The following APOL5 variants were observed in gnomAD, a reference collection of about 807,000 sequenced individuals.
The protein encoded by APOL5 is apolipoprotein L, 5.
Under a neutral mutation model 35.5 loss-of-function variants are expected in APOL5, and 29 were observed. The observed-to-expected ratio is 0.82, with a 90% CI of 0.61 to 1.11. The LOEUF (loss-of-function observed/expected upper bound fraction) is 1.11, where lower values mean the gene tolerates loss of function less well. Among genes scored for constraint, APOL5 ranks in the 50% most tolerant of loss-of-function variants. APOL5 has a pLI of 0.00. For synonymous variants in APOL5, 188 were observed against 200.2 expected, an observed-to-expected ratio of 0.94 and a Z score of 0.51; for missense variants, 514 against 530.4, an observed-to-expected ratio of 0.97 and a Z score of 0.30.
At chr22:35,711,751 C>A in the APOL5 span, among the ~76,000 whole-genome samples, 1 of 151,546 alleles carries the variant, frequency 6.6e-6, no homozygotes, top group Non-Finnish European at 1.5e-5. Context: ...TCTCAGCTCA[C>A]TGCAACCTTT....
upstream of APOL5, among the ~76,000 whole-genome samples, chr22:35,716,894 T>C (rs937831992): frequency 1.1e-5 from 1 of 91,186 alleles, no homozygotes; most frequent in African/African-American, 5.4e-5. Context: ...TTTGTATTGC[T>C]CTATTTTCAT....
Position 35,728,757 on chromosome 22 carries a change from G to T in APOL5, c.1161G>T (p.Glu387Asp). 6.2e-7 allele frequency: 1 copy of T among 1,613,476 alleles called. No homozygotes were observed. The highest frequency in any genetic ancestry group is 1.1e-5 in the South Asian group (1 of 90,836). The change falls in exon 4 of 5, where the codon GAG becomes GAT. Residue 387 changes from glutamate to aspartate, a missense_variant. This residue lies in a region of APOL5 where 238 missense variants were observed against 229.1 expected (regional missense o/e 1.04). Transcript: ENST00000249044. The part of the protein sequence containing the change: ...SRSPLPWPVV[E>D]HQPRLGPGVA... Reference sequence around the variant, plus strand: ...CACCTCTCCCCTGGCCTGTTGTGGAGCACCAGCCTAGGCTGGGCCCTGGCG... The same window carrying T: ...CACCTCTCCCCTGGCCTGTTGTGGATCACCAGCCTAGGCTGGGCCCTGGCG...
At chr22:35,716,527 G>T (rs559073785), upstream of APOL5, among the ~76,000 whole-genome samples, 245 of 152,316 alleles carry the variant, frequency 1.6e-3, 1 homozygote, top group African/African-American at 5.7e-3. Context: ...TTCCCAAAGT[G>T]CTGGGATTAC....
chr22:35,710,934 A>G, the APOL5 span, among the ~76,000 whole-genome samples: 43 of 152,362 alleles, frequency 2.8e-4, 1 homozygote, highest in African/African-American at 9.9e-4. Flanking sequence ...TGGGAGGCCA[A>G]CGTGGATGGA....
intron 3 of APOL5, 26 bp downstream of exon 3, chr22:35,727,220 C>A (rs376879820): frequency 6.3e-7 from 1 of 1,576,250 alleles, no homozygotes; most frequent in South Asian, 1.1e-5. Flanking sequence ...ATAACACGGA[C>A]GTGGTCTTGC....
At chr22:35,708,997 C>T in the APOL5 span, among the ~76,000 whole-genome samples, 3 of 152,288 alleles carry the variant, frequency 2.0e-5, no homozygotes, top group Non-Finnish European at 4.4e-5. Context: ...CACAAATGCG[C>T]TTCCCTTACA....
chr22:35,714,832 C>T (rs1926695134), upstream of APOL5, among the ~76,000 whole-genome samples: 1 of 152,214 alleles, frequency 6.6e-6, no homozygotes, highest in Non-Finnish European at 1.5e-5. Context: ...AGCACAGTGG[C>T]CACAGCCTCC....
At chr22:35,716,037 A>G (rs1401311156), upstream of APOL5, among the ~76,000 whole-genome samples, 5 of 152,224 alleles carry the variant, frequency 3.3e-5, no homozygotes. Context: ...TCTACATCCA[A>G]GAGATAACCT....
At chr22:35,711,639 C>CTTCCTTCCTTCCTTCA in the APOL5 span, among the ~76,000 whole-genome samples, 1 of 149,282 alleles carries the variant, frequency 6.7e-6, no homozygotes, top group South Asian at 2.2e-4. Flanking sequence ...TCCTTCCTTC[C>CTTCCTTCCTTCCTTCA]TTCCTTCCCT....
intron 2 of APOL5, among the ~76,000 whole-genome samples, chr22:35,724,833 C>G (rs1927094478): frequency 6.6e-6 from 1 of 152,062 alleles, no homozygotes; most frequent in South Asian, 2.1e-4. Context: ...CTGGTCTTGA[C>G]CTCCTGACCT....
upstream of APOL5, among the ~76,000 whole-genome samples, chr22:35,713,572 C>T (rs747304748): frequency 2.8e-4 from 43 of 152,172 alleles, no homozygotes; most frequent in Admixed American, 6.5e-4. Context: ...CTCCGTATGG[C>T]GCCCCGCCAC....
chr22:35,725,284 T>C (rs547652594), intron 2 of APOL5, among the ~76,000 whole-genome samples: 5 of 152,176 alleles, frequency 3.3e-5, no homozygotes, highest in African/African-American at 1.2e-4. Context: ...TTTGTTTTTT[T>C]AGATGAACTC....
chr22:35,726,439 C>A lies in APOL5; in HGVS notation c.371C>A (p.Ala124Glu), dbSNP rs752504367. 1.9e-6 allele frequency: 3 copies of A among 1,614,152 alleles called. No individual in the cohort carries two copies. The South Asian group carries it at 3.3e-5, about 18-fold the overall frequency. Residue 124 changes from alanine to glutamate, a missense_variant, in exon 3 of 5, where the codon GCG (alanine) becomes GAG (glutamate). Around this residue, in one of 3 missense-constraint regions of APOL5, gnomAD observed 254 missense variants for 254.7 expected, o/e 1.00. Coordinates refer to ENST00000249044, the MANE Select transcript of APOL5 (RefSeq NM_030642.1). The part of the protein sequence containing the change: ...EQNIKELNTL[A>E]DQVDTTHELL... Reference sequence around the variant, plus strand: ...AACATCAAAGAACTTAACACCCTTGCGGACCAAGTTGACACCACTCACGAG... The same window carrying A: ...AACATCAAAGAACTTAACACCCTTGAGGACCAAGTTGACACCACTCACGAG...
At chr22:35,718,687 C>T (rs1926852011) in intron 1 of APOL5, among the ~76,000 whole-genome samples, 1 of 150,892 alleles carries the variant, frequency 6.6e-6, no homozygotes, top group African/African-American at 2.4e-5. Flanking sequence ...AAGGAAATAG[C>T]ATAGAGTCAT....
rs190292287 is a variant in APOL5, at chr22:35,725,225, C to T, written c.143-986C>T. On this transcript the variant is annotated intron_variant, in intron 2 of 4. Transcript: ENST00000249044. ...ACTGGAGTTTTATTATTACTCAAGT[C>T]GGTTTCTCCAAAAATTCGAGGACTG... 7.2e-4 allele frequency among the ~76,000 whole-genome samples: 109 copies of T among 152,160 alleles called. 1 individual carries two copies. The highest frequency in any genetic ancestry group is 2.6e-3 in the African/African-American group (107 of 41,510).
At chr22:35,726,107 C>A in intron 2 of APOL5, 104 bp from the exon 3 acceptor site, 1 of 1,336,576 alleles carries the variant, frequency 7.5e-7, no homozygotes, top group Non-Finnish European at 1.0e-6. Flanking sequence ...GTAATTTCCC[C>A]ACTGTTAGAA....
the APOL5 span, among the ~76,000 whole-genome samples, chr22:35,710,349 C>T: frequency 6.7e-6 from 1 of 149,628 alleles, no homozygotes; most frequent in Non-Finnish European, 1.5e-5. Context: ...ACTTTGTTGT[C>T]CAGGCTGGTC....
chr22:35,717,233 A>ATATATATATATAT (rs71324555), upstream of APOL5, among the ~76,000 whole-genome samples: 13 of 37,308 alleles, frequency 3.5e-4, no homozygotes, highest in African/African-American at 1.9e-3. Context: ...AAAAAAAAAA[A>ATATATATATATAT]AAATATATAT....
chr22:35,723,919 T>C (rs1037271233), intron 2 of APOL5, among the ~76,000 whole-genome samples: 10 of 152,186 alleles, frequency 6.6e-5, no homozygotes, highest in Non-Finnish European at 1.3e-4. Context: ...ATCGCGCCAC[T>C]GCACTCCAGC....
Sources: gnomAD v4.1 joint callset for allele counts (sites outside exome capture counted in the v4.1 genomes callset) on GRCh38, gnomAD v4.1.1 for gene constraint, gnomAD v4.1.1 regional missense constraint, MANE v1.5 for transcripts, NCBI Gene and HGNC (gene_info 2026-07-23, HGNC 2026-07-21) for gene names.